ZNF385B: variants seen among roughly 807,000 people sequenced by gnomAD.
ZNF385B encodes zinc finger protein 533.
In ZNF385B, 23 loss-of-function variants were observed where a neutral mutation model predicts 39.2. The ratio of observed to expected loss-of-function variants is 0.59; its 90% confidence interval spans 0.42 to 0.83. The LOEUF (loss-of-function observed/expected upper bound fraction) is 0.83. Ranked by LOEUF, ZNF385B falls within the 40% of genes least tolerant of loss-of-function variation. ZNF385B has a pLI of 0.00. For missense variants in ZNF385B, 552 were observed against 598.9 expected, an observed-to-expected ratio of 0.92 and a Z score of 0.82; for synonymous variants, 205 against 222.6, an observed-to-expected ratio of 0.92 and a Z score of 0.70.
intron 3 of ZNF385B, among the ~76,000 whole-genome samples, chr2:179,677,112 C>G (rs1696940704): frequency 6.6e-6 from 1 of 152,166 alleles, no homozygotes; most frequent in African/African-American, 2.4e-5. Flanking sequence ...GGGCTGGGAG[C>G]TTCAAACTGC....
chr2:179,755,435 A>C (rs948164604), intron 3 of ZNF385B, among the ~76,000 whole-genome samples: 41 of 152,202 alleles, frequency 2.7e-4, no homozygotes, highest in African/African-American at 9.4e-4. Context: ...AGTTCTGTAG[A>C]TGTCTATTAG....
Position 179,643,816 on chromosome 2 carries a change from C to T in ZNF385B, c.299-98847G>A, listed in dbSNP as rs566271604. 4.6e-5 allele frequency among the ~76,000 whole-genome samples: 7 copies of T among 152,030 alleles called. No individual in the cohort carries two copies. The South Asian group carries it at 1.2e-3, about 27-fold the overall frequency. On this transcript the variant is annotated intron_variant, in intron 3 of 9. Coordinates refer to ENST00000410066, the MANE Select transcript of ZNF385B (RefSeq NM_152520.6). ...TGGTGGTAGTTTCATGAATCTCTCT[C>T]TATATATATGTATCAAAACTCCTAG...
At chr2:179,608,585 G>T (rs1166349765) in intron 3 of ZNF385B, among the ~76,000 whole-genome samples, 3 of 152,042 alleles carry the variant, frequency 2.0e-5, no homozygotes, top group Non-Finnish European at 2.9e-5. Flanking sequence ...AATAAAATCA[G>T]AATTTTAATC....
intron 6 of ZNF385B, among the ~76,000 whole-genome samples, chr2:179,474,980 AAGAGGGGCT>A (rs1403452325): frequency 6.6e-6 from 1 of 152,220 alleles, no homozygotes; most frequent in African/African-American, 2.4e-5. Context: ...CAGATTAGAA[AAGAGGGGCT>A]CAGAGAATTG....
At chr2:179,727,558 T>C (rs1236584535) in intron 3 of ZNF385B, among the ~76,000 whole-genome samples, 1 of 152,110 alleles carries the variant, frequency 6.6e-6, no homozygotes, top group East Asian at 1.9e-4. Context: ...AAAACATTTA[T>C]AATCTACTTA....
At chr2:179,814,946 C>T (rs1433661178) in intron 1 of ZNF385B, among the ~76,000 whole-genome samples, 2 of 152,134 alleles carry the variant, frequency 1.3e-5, no homozygotes, top group African/African-American at 2.4e-5. Context: ...TTTAAGTAAA[C>T]ACATAATGAT....
chr2:179,714,712 G>C (rs981845640), intron 3 of ZNF385B, among the ~76,000 whole-genome samples: 1 of 152,010 alleles, frequency 6.6e-6, no homozygotes, highest in African/African-American at 2.4e-5. Context: ...TTGGGAGGGG[G>C]AGGCGGGCGG....
At chr2:179,508,291 T>C (rs2057402641) in intron 5 of ZNF385B, among the ~76,000 whole-genome samples, 1 of 152,214 alleles carries the variant, frequency 6.6e-6, no homozygotes, top group South Asian at 2.1e-4. Context: ...CTGTTGTTAA[T>C]TGTATGTTGA....
intron 3 of ZNF385B, among the ~76,000 whole-genome samples, chr2:179,545,294 G>A (rs1335880721): frequency 3.9e-5 from 6 of 152,288 alleles, no homozygotes; most frequent in East Asian, 1.9e-4. Flanking sequence ...CCTCTGACTC[G>A]CCAAAAGTGC....
chr2:179,515,574 C>A (rs2058033599), intron 5 of ZNF385B, among the ~76,000 whole-genome samples: 3 of 152,222 alleles, frequency 2.0e-5, no homozygotes. Context: ...AATAACTGAG[C>A]AATACTGTAA....
At chr2:179,814,376 T>A in intron 1 of ZNF385B, 2 of 318,592 alleles carry the variant, frequency 6.3e-6, no homozygotes, top group Admixed American at 8.2e-5. Flanking sequence ...TGAAAATGGA[T>A]AAGGTCTTGT....
intron 3 of ZNF385B, among the ~76,000 whole-genome samples, chr2:179,581,580 T>C (rs2106034871): frequency 6.6e-6 from 1 of 152,334 alleles, no homozygotes; most frequent in Middle Eastern, 3.4e-3. Context: ...GAATGTCATT[T>C]GGTGAGCATT....
At chr2:179,628,654 T>G (rs554270888) in intron 3 of ZNF385B, among the ~76,000 whole-genome samples, 5 of 152,330 alleles carry the variant, frequency 3.3e-5, no homozygotes, top group Non-Finnish European at 7.3e-5. Context: ...AAATTCTCCA[T>G]CAACCTTTCA....
chr2:179,459,617 A>ATGTG (rs375369887), intron 6 of ZNF385B, among the ~76,000 whole-genome samples: 1 of 123,232 alleles, frequency 8.1e-6, no homozygotes, highest in Non-Finnish European at 1.7e-5. Context: ...GTGTGTGTGT[A>ATGTG]TGTGTGTGTG....
chr2:179,624,151 G>C (rs985544664), intron 3 of ZNF385B, among the ~76,000 whole-genome samples: 1 of 151,984 alleles, frequency 6.6e-6, no homozygotes, highest in Non-Finnish European at 1.5e-5. Context: ...ACATTTATCA[G>C]GTCTTTCCTA....
At chr2:179,564,408 C>A (rs1035741666) in intron 3 of ZNF385B, among the ~76,000 whole-genome samples, 1 of 152,112 alleles carries the variant, frequency 6.6e-6, no homozygotes, top group Non-Finnish European at 1.5e-5. Context: ...CATCTCTTAC[C>A]TAGCTAAGTC....
At chr2:179,849,494 T>C (rs1054307064) in intron 1 of ZNF385B, among the ~76,000 whole-genome samples, 1 of 152,176 alleles carries the variant, frequency 6.6e-6, no homozygotes, top group African/African-American at 2.4e-5. Context: ...TTTTGGAGAT[T>C]TGTTGGCATA....
intron 4 of ZNF385B, among the ~76,000 whole-genome samples, chr2:179,528,329 T>G (rs2059046774): frequency 6.6e-6 from 1 of 152,214 alleles, no homozygotes. Flanking sequence ...GAAAGTTCTC[T>G]AAGGATGAGT....
At chr2:179,676,249 C>T (rs191613891) in intron 3 of ZNF385B, among the ~76,000 whole-genome samples, 90 of 152,182 alleles carry the variant, frequency 5.9e-4, no homozygotes, top group East Asian at 1.7e-3. Flanking sequence ...CCAACACACC[C>T]GGCTAATTTT....
Sources: allele counts gnomAD v4.1 joint callset (sites outside exome capture counted in the v4.1 genomes callset), GRCh38; gene constraint gnomAD v4.1.1; transcripts MANE v1.5; gene names NCBI Gene and HGNC (gene_info 2026-07-23, HGNC 2026-07-21).